PRTG: variants seen among roughly 807,000 people sequenced by gnomAD.
PRTG encodes immunoglobulin superfamily, DCC subclass, member 5.
A neutral mutation model predicts 122.5 loss-of-function variants in PRTG; 67 were observed. That is an observed-to-expected ratio of 0.55 (90% confidence interval 0.45 to 0.67). The LOEUF (loss-of-function observed/expected upper bound fraction) is 0.67. Ranked by LOEUF, PRTG falls within the 30% of genes least tolerant of loss-of-function variation. The pLI, the probability that PRTG is intolerant of heterozygous loss-of-function variation, is 0.00. For synonymous variants in PRTG, 554 were observed against 501.1 expected (o/e 1.11, Z -1.41); for missense variants, 1,435 against 1,415.4 (o/e 1.01, Z -0.22).
chr15:55,618,852 A>G lies in PRTG; in HGVS notation c.*1160T>C, dbSNP rs1481486888. 6.6e-6 allele frequency: 1 copy of G among 152,212 alleles called. No homozygotes were observed. Among genetic ancestry groups the G allele is most frequent in the East Asian group, 1.9e-4 (1 of 5,202 alleles). 9.4% of individuals were successfully genotyped at this position (152,212 alleles called of 1,614,324 possible). ...ACAATTTCATGAATATTAAAAAGGT[A>G]TAAGGCAAAGAATTTCATTATACTG... On this transcript the variant is annotated 3_prime_UTR_variant, in exon 20 of 20. Coordinates refer to ENST00000389286, the MANE Select transcript of PRTG (RefSeq NM_173814.6).
At chr15:55,736,416 T>A (rs1478998248) in intron 2 of PRTG, among the ~76,000 whole-genome samples, 4 of 152,092 alleles carry the variant, frequency 2.6e-5, no homozygotes, top group East Asian at 1.9e-4. Context: ...TAAATGTTTT[T>A]AATATATTTT....
intron 8 of PRTG, 65 bp from the exon 9 acceptor site, chr15:55,675,748 C>T (rs1174327298): frequency 3.0e-6 from 3 of 1,006,656 alleles, no homozygotes; most frequent in Non-Finnish European, 4.5e-6. Context: ...AGACCATTTT[C>T]CTGCACTGTG....
intron 11 of PRTG, among the ~76,000 whole-genome samples, chr15:55,669,696 A>ACTTGAAT (rs760971080): frequency 1.3e-5 from 2 of 152,182 alleles, no homozygotes; most frequent in Non-Finnish European, 2.9e-5. Context: ...GCTGCACAAT[A>ACTTGAAT]CTTGAATCCA....
At chr15:55,654,483 A>T (rs1043747891) in intron 11 of PRTG, among the ~76,000 whole-genome samples, 1 of 152,180 alleles carries the variant, frequency 6.6e-6, no homozygotes, top group Non-Finnish European at 1.5e-5. Context: ...ATCCTGGGAT[A>T]ATTAAGGTAT....
chr15:55,733,013 C>A (rs2141886692), intron 2 of PRTG, among the ~76,000 whole-genome samples: 1 of 152,008 alleles, frequency 6.6e-6, no homozygotes, highest in South Asian at 2.1e-4. Flanking sequence ...AGATCGAGAC[C>A]ATTCTGGTCA....
intron 2 of PRTG, among the ~76,000 whole-genome samples, chr15:55,692,213 CCACAAA>C (rs1259325236): frequency 6.6e-6 from 1 of 151,892 alleles, no homozygotes; most frequent in Admixed American, 6.6e-5. Context: ...GGTTCTAAGC[CCACAAA>C]CATGTTGACC....
intron 1 of PRTG, 40 bp downstream of exon 1, chr15:55,742,798 C>T: frequency 6.5e-7 from 1 of 1,539,306 alleles, no homozygotes. Context: ...CCCGCTCCCG[C>T]CCCACAGCGG....
chr15:55,741,766 C>A (rs1372683227), intron 1 of PRTG, among the ~76,000 whole-genome samples: 1 of 152,214 alleles, frequency 6.6e-6, no homozygotes, highest in Non-Finnish European at 1.5e-5. Flanking sequence ...AGGCTCCCTG[C>A]TTCCCGTAAT....
intron 11 of PRTG, among the ~76,000 whole-genome samples, chr15:55,664,863 A>G (rs1030953144): frequency 6.6e-6 from 1 of 152,004 alleles, no homozygotes; most frequent in Non-Finnish European, 1.5e-5. Flanking sequence ...CTGGGATTAT[A>G]CGTGTGAGCC....
At chr15:55,625,851 G>A (rs961917329) in intron 17 of PRTG, among the ~76,000 whole-genome samples, 2 of 151,940 alleles carry the variant, frequency 1.3e-5, no homozygotes, top group African/African-American at 4.8e-5. Flanking sequence ...TTGAACTCCC[G>A]ACCTCAGGTG....
intron 2 of PRTG, among the ~76,000 whole-genome samples, chr15:55,688,267 T>C (rs991129926): frequency 3.3e-5 from 5 of 152,212 alleles, no homozygotes; most frequent in Admixed American, 6.5e-5. Context: ...TGATACTACA[T>C]GCTCCTTGTT....
intron 15 of PRTG, among the ~76,000 whole-genome samples, chr15:55,629,330 A>T (rs992535872): frequency 6.7e-6 from 1 of 149,208 alleles, no homozygotes; most frequent in Non-Finnish European, 1.5e-5. Context: ...AGGAGTTCTT[A>T]AAAACAGTAC....
chr15:55,741,593 C>A (rs1200867382), intron 1 of PRTG, among the ~76,000 whole-genome samples: 1 of 152,130 alleles, frequency 6.6e-6, no homozygotes, highest in East Asian at 1.9e-4. Flanking sequence ...AGTGCACAGG[C>A]CGTCTTAAAG....
rs1283667686 is a variant in PRTG at position 55,672,465 on chromosome 15, A to G, written c.2021T>C (p.Leu674Pro). 1.2e-6 allele frequency: 2 copies of G among 1,613,846 alleles called. No homozygotes were observed. Among genetic ancestry groups the G allele is most frequent in the South Asian group, 1.1e-5 (1 of 91,064 alleles). ...GPIFLDTKDL[L>P]YTLSGLDPRR... ...CTCACCTAAGCCACTGAGAGTATAG[A>G]GTAGGTCCTTGGTATCCAAGAAAAT... The change falls in exon 11 of 20, where the codon CTC (leucine) becomes CCC (proline). Residue 674 changes from leucine to proline, a missense_variant. Physicochemically the swap from Leu to Pro is moderately conservative, Grantham distance 98. Transcript: ENST00000389286.
At chr15:55,650,079 G>C (rs1395821970) in intron 11 of PRTG, among the ~76,000 whole-genome samples, 1 of 152,164 alleles carries the variant, frequency 6.6e-6, no homozygotes, top group East Asian at 1.9e-4. Context: ...AAGCTGGTTT[G>C]GGAATTTGGA....
Position 55,638,580 on chromosome 15 carries a change from G to A in PRTG, c.2421C>T (p.Ser807=), listed in dbSNP as rs541283255. Residue 807 remains serine (S), a synonymous_variant, in exon 14 of 20, where the codon AGC becomes AGT. Transcript: ENST00000389286. ...LHVDQLSSPW[S]PVVYHSTLPE... is the part of the protein sequence containing the mutation. ...GAAGAGTAGAATGGTAGACTACAGG[G>A]CTCCAAGGACTGGAAAGCTGATCCA... 9.3e-6 allele frequency: 15 copies of A among 1,613,016 alleles called. No individual in the cohort carries two copies. The Admixed American group carries it at 1.7e-4, about 18-fold the overall frequency.
chr15:55,740,183 C>T (rs905385562), intron 2 of PRTG, among the ~76,000 whole-genome samples, 199 bp downstream of exon 2: 1 of 152,128 alleles, frequency 6.6e-6, no homozygotes, highest in Non-Finnish European at 1.5e-5. Context: ...CCTAATTTGA[C>T]TTCTGTTCTC....
At chr15:55,644,499 A>G (rs1018632097) in intron 11 of PRTG, among the ~76,000 whole-genome samples, 8 of 152,178 alleles carry the variant, frequency 5.3e-5, no homozygotes, top group Admixed American at 4.6e-4. Context: ...AACTTCTTAT[A>G]CTAAATTTTA....
intron 2 of PRTG, among the ~76,000 whole-genome samples, chr15:55,707,622 C>T (rs1020940675): frequency 6.6e-6 from 1 of 152,080 alleles, no homozygotes; most frequent in African/African-American, 2.4e-5. Context: ...ATCAATAAGC[C>T]AAATCAAAAC....
Sources: allele counts gnomAD v4.1 joint callset (sites outside exome capture counted in the v4.1 genomes callset), GRCh38; gene constraint gnomAD v4.1.1; transcripts MANE v1.5; gene names NCBI Gene and HGNC (gene_info 2026-07-23, HGNC 2026-07-21).